Variants in CTBP2 observed in about 807,000 individuals in gnomAD.
CTBP2 encodes the protein C-terminal binding protein 2, also known as C-terminal-binding protein 2.
CTBP2 carries 30 observed loss-of-function variants against 80.3 expected under a neutral mutation model. That is an observed-to-expected ratio of 0.37 (90% confidence interval 0.28 to 0.51). The LOEUF is 0.51. CTBP2 is among the 20% of genes least tolerant of loss of function. The probability of loss-of-function intolerance (pLI) is 0.93; values close to 1 mark genes in which losing one functional copy is unlikely to be tolerated. For synonymous variants in CTBP2, 594 were observed against 587.4 expected (o/e 1.01, Z -0.16); for missense variants, 1,212 against 1,375.3 (o/e 0.88, Z 1.88).
chr10:125,003,663 A>G (rs555345114), intron 1 of CTBP2, among the ~76,000 whole-genome samples, 171 bp from the exon 4 acceptor site: 5 of 152,246 alleles, frequency 3.3e-5, no homozygotes, highest in Admixed American at 3.3e-4. Flanking sequence ...ACTGACACGA[A>G]GAGGAGCCAC....
chr10:125,087,307 G>A (rs1481506103), intron 2 of CTBP2, among the ~76,000 whole-genome samples: 2 of 151,932 alleles, frequency 1.3e-5, no homozygotes, highest in Non-Finnish European at 2.9e-5. Flanking sequence ...CCTGACCTCA[G>A]GTGATTCGCC....
chr10:125,099,134 G>C (rs1850220302), intron 2 of CTBP2, among the ~76,000 whole-genome samples: 1 of 152,180 alleles, frequency 6.6e-6, no homozygotes, highest in African/African-American at 2.4e-5. Flanking sequence ...AACTATTTTA[G>C]GAAAAGGCTG....
At chr10:124,994,754 TCTGAG>T (rs1396922472) in intron 4 of CTBP2, 71 bp from the exon 7 acceptor site, 10 of 1,493,016 alleles carry the variant, frequency 6.7e-6, no homozygotes, top group Admixed American at 5.2e-5. Flanking sequence ...CTCCATTGCT[TCTGAG>T]CTGAGTCCGG....
At chr10:125,018,614 T>G (rs1271251481) in intron 1 of CTBP2, among the ~76,000 whole-genome samples, 1 of 152,054 alleles carries the variant, frequency 6.6e-6, no homozygotes, top group Non-Finnish European at 1.5e-5. Flanking sequence ...ATTACTAATA[T>G]TTACTGAACT....
chr10:125,012,708 C>T (rs552332029), intron 1 of CTBP2, among the ~76,000 whole-genome samples: 5 of 152,242 alleles, frequency 3.3e-5, no homozygotes, highest in East Asian at 3.9e-4. Context: ...GGCGCGATCT[C>T]GGCTCACTGC....
At chr10:124,996,576 T>G (rs1475484165) in intron 4 of CTBP2, 4 of 151,562 alleles carry the variant, frequency 2.6e-5, no homozygotes, top group Admixed American at 2.0e-4. Context: ...TTTTTAAAGT[T>G]GAATGACAAG....
rs572929672 is a variant in CTBP2, at chr10:125,025,435, C to T, written c.1678+647G>A. ...CCTGGACTTGGAAATATATCCTTCC[C>T]TTCAAGCACGCGGAATTCCCAACTG... On this transcript the variant is annotated intron_variant, in intron 1 of 8. Transcript: ENST00000309035. Among the ~76,000 whole-genome samples the T allele has an allele frequency of 3.9e-5, 6 of 152,352 alleles. No individual in the cohort carries two copies. In the South Asian group the frequency reaches 1.2e-3, roughly 32 times the overall value.
intron 2 of CTBP2, among the ~76,000 whole-genome samples, chr10:125,079,150 GAAAAA>G (rs58370199): frequency 3.6e-4 from 36 of 101,160 alleles, no homozygotes; most frequent in Middle Eastern, 5.1e-3. Context: ...TTGTCTCGAG[GAAAAA>G]AAAAAAAAAA....
In CTBP2 at chr10:124,993,242, C is replaced by A; in HGVS notation, c.2619G>T (p.Met873Ile). 1 of 1,599,850 alleles carries A rather than the reference C, an allele frequency of 6.3e-7. No individual in the cohort carries two copies. The highest frequency in any genetic ancestry group is 1.7e-5 in the Admixed American group (1 of 59,732). Residue 873 changes from methionine to isoleucine, a missense_variant, in exon 7 of 9, where the codon ATG becomes ATT. Met to Ile is a conservative substitution (Grantham distance 10, BLOSUM62 1). Around this residue, in one of 3 missense-constraint regions of CTBP2, gnomAD observed 335 missense variants for 504.7 expected, o/e 0.66. Transcript: ENST00000309035. ...GGATCTCGGTGGCAGCTGCCTCCCT[C>A]ATCTCCAGTGACGCCTGCTCACTGT...
Position 124,993,334 on chromosome 10 carries a change from AAAAATGTAG to A in CTBP2, c.2532-14_2532-6del. ...TTCAACGGACCCTGAGCAAAGCTAG[AAAAATGTAG>A]AAAAAACAGAGTAAGCGGGAAATGT... On this transcript the variant is annotated splice_polypyrimidine_tract_variant and splice_region_variant and intron_variant, in intron 6 of 8. Coordinates refer to ENST00000309035, the MANE Select transcript of CTBP2 (RefSeq NM_022802.3). The A allele has an allele frequency of 6.2e-7, 1 of 1,605,596 alleles. No homozygotes were observed. The highest frequency in any genetic ancestry group is 8.5e-7 in the Non-Finnish European group (1 of 1,173,070).
intron 2 of CTBP2, among the ~76,000 whole-genome samples, chr10:125,059,327 TC>T (rs1964539712): frequency 6.6e-6 from 1 of 152,078 alleles, no homozygotes; most frequent in South Asian, 2.1e-4. Context: ...ACGCTTGGAA[TC>T]CCAGCACTTT....
At chr10:125,094,011 T>G (rs1252136951) in intron 2 of CTBP2, among the ~76,000 whole-genome samples, 1 of 152,200 alleles carries the variant, frequency 6.6e-6, no homozygotes, top group Non-Finnish European at 1.5e-5. Context: ...ATGTGCCGTC[T>G]TCTTGAGATT....
At chr10:125,090,100 G>A (rs1327418494) in intron 2 of CTBP2, among the ~76,000 whole-genome samples, 1 of 151,966 alleles carries the variant, frequency 6.6e-6, no homozygotes, top group Non-Finnish European at 1.5e-5. Context: ...GGTGGTAAAA[G>A]GAGCAAGCAG....
intron 2 of CTBP2, among the ~76,000 whole-genome samples, chr10:125,067,539 A>C (rs1349467057): frequency 6.6e-6 from 1 of 152,254 alleles, no homozygotes; most frequent in Non-Finnish European, 1.5e-5. Context: ...AACTGTTCTT[A>C]AAAATATCCA....
At chr10:124,990,499 A>G (rs1952459454) in intron 8 of CTBP2, among the ~76,000 whole-genome samples, 1 of 152,234 alleles carries the variant, frequency 6.6e-6, no homozygotes, top group African/African-American at 2.4e-5. Flanking sequence ...AGATAAGAAG[A>G]TATTAGCCCA....
rs755693474 is a variant in CTBP2, at chr10:124,990,492, TAAG to T, written c.2778-797_2778-795del. ...GGCCACTAATTTTGTAGCTTTTAGA[TAAG>T]AAGATATTAGCCCATACTATTTATG... On this transcript the variant is annotated intron_variant, in intron 8 of 8. Transcript: ENST00000309035. 1.4e-4 allele frequency among the ~76,000 whole-genome samples: 21 copies of T among 152,352 alleles called. No individual in the cohort carries two copies. In the South Asian group the frequency reaches 2.1e-3, roughly 15 times the overall value.
intron 1 of CTBP2, among the ~76,000 whole-genome samples, chr10:125,141,832 C>T (rs1378611001): frequency 1.3e-5 from 2 of 152,228 alleles, no homozygotes; most frequent in South Asian, 2.1e-4. Context: ...GGCAAACACA[C>T]GACATGCACA....
intron 2 of CTBP2, among the ~76,000 whole-genome samples, chr10:125,085,743 C>T (rs769415270): frequency 2.6e-5 from 4 of 152,204 alleles, no homozygotes; most frequent in African/African-American, 4.8e-5. Context: ...CAATGCACAG[C>T]TCTGCTACTA....
At chr10:125,070,463 G>A (rs748013684) in intron 2 of CTBP2, among the ~76,000 whole-genome samples, 7 of 152,002 alleles carry the variant, frequency 4.6e-5, no homozygotes, top group African/African-American at 7.2e-5. Flanking sequence ...AGGCTGAGCC[G>A]GCAGGATAGC....
Sources: gnomAD v4.1 joint callset for allele counts (sites outside exome capture counted in the v4.1 genomes callset) on GRCh38, gnomAD v4.1.1 for gene constraint, gnomAD v4.1.1 regional missense constraint, MANE v1.5 for transcripts, NCBI Gene and HGNC (gene_info 2026-07-23, HGNC 2026-07-21) for gene names.